The following TSPAN5 variants were observed in gnomAD, a reference collection of about 807,000 sequenced individuals.
TSPAN5 encodes the protein tetraspanin 5, also known as tetraspanin-5.
A neutral mutation model predicts 37.1 loss-of-function variants in TSPAN5; 10 were observed. The ratio of observed to expected loss-of-function variants is 0.27; its 90% confidence interval spans 0.17 to 0.46. TSPAN5 has a LOEUF of 0.46. Ranked by LOEUF, TSPAN5 falls within the 20% of genes least tolerant of loss-of-function variation. The pLI is 1.00. For missense variants in TSPAN5, 195 were observed against 326.6 expected (o/e 0.60, Z 3.11); for synonymous variants, 110 against 118.9 (o/e 0.93, Z 0.48).
At chr4:98,504,074 GA>G (rs1411910086) in intron 2 of TSPAN5, among the ~76,000 whole-genome samples, 5 of 152,182 alleles carry the variant, frequency 3.3e-5, no homozygotes, top group African/African-American at 1.2e-4. Flanking sequence ...AACTCAGACT[GA>G]TATTAAGTAT....
intron 1 of TSPAN5, among the ~76,000 whole-genome samples, chr4:98,614,697 G>T (rs1756279397): frequency 6.6e-6 from 1 of 152,182 alleles, no homozygotes; most frequent in South Asian, 2.1e-4. Flanking sequence ...GCAGTTACAA[G>T]ATTTATAAAA....
chr4:98,522,004 T>C (rs1341618737), intron 1 of TSPAN5, among the ~76,000 whole-genome samples: 1 of 152,254 alleles, frequency 6.6e-6, no homozygotes, highest in East Asian at 1.9e-4. Context: ...TAACTGTAAA[T>C]ATTAAAAGTT....
chr4:98,527,782 C>T (rs1425402218), intron 1 of TSPAN5, among the ~76,000 whole-genome samples: 1 of 152,106 alleles, frequency 6.6e-6, no homozygotes, highest in Non-Finnish European at 1.5e-5. Context: ...CTGTTAAAAG[C>T]CCGGATGTCA....
chr4:98,568,349 T>C (rs955666955), intron 1 of TSPAN5, among the ~76,000 whole-genome samples: 2 of 152,180 alleles, frequency 1.3e-5, no homozygotes, highest in Non-Finnish European at 2.9e-5. Flanking sequence ...GAGACCATCC[T>C]GGCTAGCAAG....
chr4:98,560,301 A>T (rs898015724), intron 1 of TSPAN5: 3 of 152,310 alleles, frequency 2.0e-5, no homozygotes, highest in Middle Eastern at 3.4e-3. Context: ...TTCATCCCTC[A>T]TGTTTTCCCC....
At chr4:98,497,883 G>A (rs1753251534) in intron 2 of TSPAN5, among the ~76,000 whole-genome samples, 1 of 152,148 alleles carries the variant, frequency 6.6e-6, no homozygotes, top group Admixed American at 6.5e-5. Context: ...ACAGGATCTG[G>A]CCCAGTGGGG....
intron 1 of TSPAN5, among the ~76,000 whole-genome samples, chr4:98,612,573 CCTTTT>C (rs1756222761): frequency 6.6e-6 from 1 of 152,202 alleles, no homozygotes; most frequent in South Asian, 2.1e-4. Flanking sequence ...GGCAAGGACC[CCTTTT>C]CTTTTAAAGG....
chr4:98,481,528 A>G (rs1048832390), intron 4 of TSPAN5, among the ~76,000 whole-genome samples: 1 of 152,210 alleles, frequency 6.6e-6, no homozygotes. Context: ...TTTTAACTGC[A>G]TGTGCAATAA....
intron 1 of TSPAN5, among the ~76,000 whole-genome samples, chr4:98,599,197 G>A (rs1019385134): frequency 6.6e-6 from 1 of 152,040 alleles, no homozygotes; most frequent in African/African-American, 2.4e-5. Context: ...CTGGAGTGCA[G>A]TGGCATAATC....
chr4:98,547,174 G>A (rs536160640), intron 1 of TSPAN5, among the ~76,000 whole-genome samples: 1 of 152,218 alleles, frequency 6.6e-6, no homozygotes, highest in Non-Finnish European at 1.5e-5. Context: ...ATGCTGAGGG[G>A]CTTAACATCC....
At chr4:98,637,524 G>C (rs939363208) in intron 1 of TSPAN5, among the ~76,000 whole-genome samples, 57 of 152,252 alleles carry the variant, frequency 3.7e-4, no homozygotes, top group African/African-American at 1.3e-3. Flanking sequence ...CAAACAACAG[G>C]AGTGGTGTTT....
chr4:98,592,013 A>C (rs1755645709), intron 1 of TSPAN5, among the ~76,000 whole-genome samples: 1 of 151,986 alleles, frequency 6.6e-6, no homozygotes, highest in African/African-American at 2.4e-5. Context: ...CCAAGAGATC[A>C]ATGGAACAGA....
intron 1 of TSPAN5, among the ~76,000 whole-genome samples, chr4:98,544,836 T>C (rs1166906795): frequency 6.6e-6 from 1 of 152,200 alleles, no homozygotes; most frequent in Non-Finnish European, 1.5e-5. Context: ...AAGAAGTATC[T>C]AGGTGTTAAC....
At chr4:98,636,042 T>C (rs1756851371) in intron 1 of TSPAN5, among the ~76,000 whole-genome samples, 1 of 152,238 alleles carries the variant, frequency 6.6e-6, no homozygotes, top group Non-Finnish European at 1.5e-5. Context: ...TTTGTACTCA[T>C]TACCTCTTTA....
chr4:98,526,891 A>G (rs1395826991), intron 1 of TSPAN5, among the ~76,000 whole-genome samples: 8 of 152,230 alleles, frequency 5.3e-5, no homozygotes, highest in Non-Finnish European at 1.0e-4. Context: ...TTTTAGCCTC[A>G]TGTAAATTGT....
chr4:98,618,523 C>T (rs1316843871), intron 1 of TSPAN5, among the ~76,000 whole-genome samples: 2 of 152,088 alleles, frequency 1.3e-5, no homozygotes, highest in African/African-American at 4.8e-5. Context: ...CTGCATTAGG[C>T]TCTTTATATG....
chr4:98,615,953 A>G (rs1474098378), intron 1 of TSPAN5, among the ~76,000 whole-genome samples: 2 of 152,196 alleles, frequency 1.3e-5, no homozygotes, highest in Non-Finnish European at 2.9e-5. Flanking sequence ...AAGAAGCAGA[A>G]CAAGTGAAAT....
At chr4:98,564,058 T>C (rs1754942361) in intron 1 of TSPAN5, among the ~76,000 whole-genome samples, 1 of 152,036 alleles carries the variant, frequency 6.6e-6, no homozygotes, top group African/African-American at 2.4e-5. Flanking sequence ...AAAAAACGTG[T>C]GATGAGACAA....
chr4:98,518,919 C>T (rs1313163196), intron 1 of TSPAN5, among the ~76,000 whole-genome samples: 3 of 152,168 alleles, frequency 2.0e-5, no homozygotes, highest in African/African-American at 4.8e-5. Flanking sequence ...GTTATGGGTA[C>T]CAAGGGACCA....
Sources: allele counts gnomAD v4.1 joint callset (sites outside exome capture counted in the v4.1 genomes callset), GRCh38; gene constraint gnomAD v4.1.1; transcripts MANE v1.5; gene names NCBI Gene and HGNC (gene_info 2026-07-23, HGNC 2026-07-21).